Variants in NEBL observed in about 807,000 individuals in gnomAD.
NEBL encodes LIM and SH3 protein 2.
In NEBL, 122 loss-of-function variants were observed where a neutral mutation model predicts 140.2. That is an observed-to-expected ratio of 0.87 (90% CI 0.75 to 1.01). The LOEUF (loss-of-function observed/expected upper bound fraction) is 1.01, where lower values mean the gene tolerates loss of function less well. Among genes scored for constraint, NEBL ranks in the 50% least tolerant of loss-of-function variants. The pLI is 0.00. For missense variants in NEBL, 1,365 were observed against 1,231.3 expected (o/e 1.11, Z -1.62); for synonymous variants, 436 against 398.9 (o/e 1.09, Z -1.11).
rs896135698 is a variant in NEBL, at chr10:20,855,536, C to A, written c.903+2704G>T. ...AAAACAAAACAAAACAAAAAAAAAACGAAGGAAAACTTAATTGAATTAAGA... is the reference window on the plus strand; with the variant it reads ...AAAACAAAACAAAACAAAAAAAAAAAGAAGGAAAACTTAATTGAATTAAGA... On this transcript the variant is annotated intron_variant, in intron 9 of 27. Coordinates refer to ENST00000377122, the MANE Select transcript of NEBL (RefSeq NM_006393.3). 2.1e-3 allele frequency among the ~76,000 whole-genome samples: 302 copies of A among 141,024 alleles called. 1 individual carries two copies. Among genetic ancestry groups the A allele is most frequent in the Middle Eastern group, 7.6e-3 (2 of 264 alleles). 92.5% of individuals were successfully genotyped at this position (141,024 alleles called of 152,430 possible). A position where few individuals can be genotyped will look rare whatever the true frequency, so the allele number is the denominator to read the frequency against.
intron 2 of NEBL, among the ~76,000 whole-genome samples, chr10:21,171,101 C>G (rs898142585): frequency 1.3e-5 from 2 of 152,016 alleles, no homozygotes; most frequent in African/African-American, 4.8e-5. Context: ...CTTGGGAGGC[C>G]GAGCGGGGCA....
At chr10:20,902,642 C>G (rs1055834235) in intron 4 of NEBL, among the ~76,000 whole-genome samples, 2 of 152,160 alleles carry the variant, frequency 1.3e-5, no homozygotes, top group South Asian at 4.1e-4. Flanking sequence ...TCAATGTCTA[C>G]ATTAACATAG....
Position 20,784,921 on chromosome 10 carries a change from A to G in NEBL, c.*826T>C, listed in dbSNP as rs983586218. 2 of 152,650 alleles carry G rather than the reference A, an allele frequency of 1.3e-5. No homozygotes were observed. Among genetic ancestry groups the G allele is most frequent in the African/African-American group, 4.8e-5 (2 of 41,462 alleles). 9.5% of individuals were successfully genotyped at this position (152,650 alleles called of 1,614,324 possible). ...GGTATCAGTCACCCTTTTTGCTTCA[A>G]TAATAGGAACGCGCAGTGCAGCTGC... On this transcript the variant is annotated 3_prime_UTR_variant, in exon 28 of 28. Transcript: ENST00000377122.
At chr10:20,849,330 A>G (rs1842272446) in intron 11 of NEBL, among the ~76,000 whole-genome samples, 1 of 151,890 alleles carries the variant, frequency 6.6e-6, no homozygotes, top group African/African-American at 2.4e-5. Context: ...AGTAGAAAAC[A>G]CTCTTAATTG....
intron 4 of NEBL, among the ~76,000 whole-genome samples, chr10:20,904,715 C>G (rs999805938): frequency 6.6e-6 from 1 of 152,204 alleles, no homozygotes; most frequent in Non-Finnish European, 1.5e-5. Flanking sequence ...ACCACAGCCG[C>G]AAGTTCTTGC....
intron 3 of NEBL, among the ~76,000 whole-genome samples, chr10:20,997,759 T>G (rs1446942323): frequency 6.6e-6 from 1 of 152,142 alleles, no homozygotes; most frequent in Admixed American, 6.5e-5. Flanking sequence ...TAGCAATAAC[T>G]GAAAACATTA....
chr10:20,830,333 C>T (rs988991677), intron 16 of NEBL, among the ~76,000 whole-genome samples: 16 of 151,992 alleles, frequency 1.1e-4, no homozygotes, highest in African/African-American at 3.9e-4. Flanking sequence ...TTTTTTCATT[C>T]CTTCTATTTT....
intron 2 of NEBL, among the ~76,000 whole-genome samples, chr10:21,062,764 C>G (rs4025871): frequency 0.92 from 139,303 of 152,194 alleles, 63,941 homozygotes; most frequent in African/African-American, 0.96. Flanking sequence ...TCAACCCTCT[C>G]AGTTCTGCAC....
intron 2 of NEBL, among the ~76,000 whole-genome samples, chr10:21,134,450 T>A (rs1481332497): frequency 6.6e-6 from 1 of 152,210 alleles, no homozygotes; most frequent in Admixed American, 6.5e-5. Flanking sequence ...TCTCTTAGTC[T>A]CATTTGTTTC....
chr10:20,851,959 TTTATC>T (rs1369399610), intron 10 of NEBL, among the ~76,000 whole-genome samples: 2 of 148,204 alleles, frequency 1.3e-5, no homozygotes, highest in African/African-American at 5.0e-5. Flanking sequence ...GATATAATAT[TTTATC>T]TTAACAGATG....
At chr10:21,180,252 T>C (rs1841366617) in intron 3 of NEBL, among the ~76,000 whole-genome samples, 2 of 152,180 alleles carry the variant, frequency 1.3e-5, no homozygotes, top group South Asian at 2.1e-4. Context: ...AGCCAATTAA[T>C]TGTGCTGTCA....
intron 2 of NEBL, among the ~76,000 whole-genome samples, chr10:21,124,874 T>C (rs755373852): frequency 6.6e-6 from 1 of 152,166 alleles, no homozygotes; most frequent in Non-Finnish European, 1.5e-5. Context: ...GGCAGGAGGA[T>C]GTTTGAGCCC....
intron 4 of NEBL, among the ~76,000 whole-genome samples, chr10:20,905,206 T>C (rs1848039877): frequency 6.6e-6 from 1 of 152,212 alleles, no homozygotes; most frequent in African/African-American, 2.4e-5. Context: ...GAAAGTGTAA[T>C]ATAGTGCTCC....
At chr10:20,910,141 T>C (rs567188179) in intron 4 of NEBL, among the ~76,000 whole-genome samples, 3 of 152,348 alleles carry the variant, frequency 2.0e-5, no homozygotes, top group East Asian at 1.9e-4. Flanking sequence ...GCTTTTCAGA[T>C]GGATAGATTT....
chr10:21,066,032 C>A (rs1315925558), intron 2 of NEBL, among the ~76,000 whole-genome samples: 2 of 152,192 alleles, frequency 1.3e-5, no homozygotes, highest in African/African-American at 4.8e-5. Context: ...TCCTCTTAGA[C>A]TAATAGTTCT....
chr10:21,072,187 C>T (rs1589204113), intron 2 of NEBL, among the ~76,000 whole-genome samples: 1 of 152,232 alleles, frequency 6.6e-6, no homozygotes. Context: ...CCAGTGGCTG[C>T]AGCCCTTGGC....
At chr10:20,810,754 C>T (rs911353658) in intron 24 of NEBL, among the ~76,000 whole-genome samples, 6 of 152,252 alleles carry the variant, frequency 3.9e-5, no homozygotes, top group Middle Eastern at 3.4e-3. Flanking sequence ...TATAGACATA[C>T]GGCAGAAATG....
At chr10:20,967,022 G>A (rs1015013696) in intron 3 of NEBL, among the ~76,000 whole-genome samples, 4 of 152,050 alleles carry the variant, frequency 2.6e-5, no homozygotes, top group African/African-American at 9.7e-5. Context: ...TTAAAGGAGA[G>A]TTCACGTTAA....
At chr10:21,192,125 G>A (rs770720134) in intron 3 of NEBL, among the ~76,000 whole-genome samples, 4 of 151,968 alleles carry the variant, frequency 2.6e-5, no homozygotes, top group African/African-American at 4.8e-5. Flanking sequence ...AACTCTTCTA[G>A]GCAATGCAAT....
Sources: allele counts gnomAD v4.1 joint callset (sites outside exome capture counted in the v4.1 genomes callset), GRCh38; gene constraint gnomAD v4.1.1; transcripts MANE v1.5; gene names NCBI Gene and HGNC (gene_info 2026-07-23, HGNC 2026-07-21).